The following OPCML variants were observed in gnomAD, a reference collection of about 807,000 sequenced individuals.
OPCML encodes opioid binding protein/cell adhesion molecule like, also known as opioid-binding protein/cell adhesion molecule.
OPCML carries 13 observed loss-of-function variants against 37.8 expected under a neutral mutation model. That is an observed-to-expected ratio of 0.34 (90% CI 0.22 to 0.55). OPCML has a LOEUF of 0.55. Among genes scored for constraint, OPCML ranks in the 20% least tolerant of loss-of-function variants. The probability of loss-of-function intolerance (pLI) is 0.91; values close to 1 mark genes in which losing one functional copy is unlikely to be tolerated. For synonymous variants in OPCML, 176 were observed against 168.8 expected (o/e 1.04, Z -0.33); for missense variants, 341 against 435.6 (o/e 0.78, Z 1.93).
intron 1 of OPCML, among the ~76,000 whole-genome samples, chr11:133,265,997 A>T (rs773536967): frequency 6.6e-6 from 1 of 152,176 alleles, no homozygotes; most frequent in Non-Finnish European, 1.5e-5. Context: ...GGAGAAGGGG[A>T]TGGAGAAATG....
intron 2 of OPCML, among the ~76,000 whole-genome samples, chr11:132,915,069 C>T (rs1944560196): frequency 6.6e-6 from 1 of 152,182 alleles, no homozygotes; most frequent in Admixed American, 6.5e-5. Context: ...TTTAAAATTA[C>T]ATTAACTCAA....
At chr11:133,120,834 C>T (rs554288644) in intron 1 of OPCML, among the ~76,000 whole-genome samples, 1 of 152,284 alleles carries the variant, frequency 6.6e-6, no homozygotes, top group Admixed American at 6.5e-5. Context: ...AGGACCAGAG[C>T]TTCCAATGGC....
chr11:133,265,677 C>T (rs999011612), intron 1 of OPCML, among the ~76,000 whole-genome samples: 2 of 152,284 alleles, frequency 1.3e-5, no homozygotes, highest in Middle Eastern at 3.4e-3. Context: ...CATCCCTCCT[C>T]CCGTCTGGGA....
At chr11:133,119,646 C>T (rs930112897) in intron 1 of OPCML, among the ~76,000 whole-genome samples, 1 of 152,156 alleles carries the variant, frequency 6.6e-6, no homozygotes, top group African/African-American at 2.4e-5. Flanking sequence ...TAAACAGAGT[C>T]TTGCGGGACA....
At chr11:133,444,149 C>T (rs374305311) in intron 1 of OPCML, among the ~76,000 whole-genome samples, 51 of 152,046 alleles carry the variant, frequency 3.4e-4, no homozygotes, top group African/African-American at 9.2e-4. Flanking sequence ...GAAGCAGCAG[C>T]GAGGAGTGGA....
chr11:133,255,224 C>A (rs1941272398), intron 1 of OPCML, among the ~76,000 whole-genome samples: 1 of 152,162 alleles, frequency 6.6e-6, no homozygotes, highest in Admixed American at 6.5e-5. Flanking sequence ...AAGTGTGAAG[C>A]ACGAAACTGG....
chr11:133,075,943 C>T (rs7941497), intron 1 of OPCML, among the ~76,000 whole-genome samples: 84,923 of 151,986 alleles, frequency 0.56, 25,075 homozygotes, highest in African/African-American at 0.74. Context: ...AAACCTAATA[C>T]CTGTTATTTG....
At chr11:133,062,945 T>C (rs4937746) in intron 1 of OPCML, among the ~76,000 whole-genome samples, 127,902 of 152,310 alleles carry the variant, frequency 0.84, 53,863 homozygotes, top group Middle Eastern at 0.93. Context: ...CTGAGGTACC[T>C]CTGCAAGACA....
chr11:132,943,074 G>A lies in OPCML; in HGVS notation c.62-64C>T. 6.2e-7 allele frequency: 1 copy of A among 1,614,144 alleles called. No individual in the cohort carries two copies. The highest frequency in any genetic ancestry group is 2.2e-5 in the East Asian group (1 of 44,854). ...ACGAGGCACTTCCAGGGCAGGAACA[G>A]GTACCCACAGACCCCCATTCTCGAC... On this transcript the variant is annotated intron_variant, in intron 1 of 7. Coordinates refer to ENST00000524381, the MANE Select transcript of OPCML (RefSeq NM_001012393.5). This position sits in a 1 kb window ranked among gnomAD's most constrained non-coding sequence, Gnocchi z 4.3.
At chr11:133,374,809 C>A (rs1324211323) in intron 1 of OPCML, among the ~76,000 whole-genome samples, 1 of 152,140 alleles carries the variant, frequency 6.6e-6, no homozygotes, top group Non-Finnish European at 1.5e-5. Flanking sequence ...TAGTATTTGG[C>A]CTCAGTTCCC....
At chr11:133,397,361 C>T (rs1009449325) in intron 1 of OPCML, among the ~76,000 whole-genome samples, 1 of 152,218 alleles carries the variant, frequency 6.6e-6, no homozygotes, top group African/African-American at 2.4e-5. Context: ...ATACTTCAAT[C>T]ATCCGAGAAG....
At chr11:132,485,709 TC>T (rs1375657929) in intron 4 of OPCML, among the ~76,000 whole-genome samples, 2 of 152,240 alleles carry the variant, frequency 1.3e-5, no homozygotes, top group African/African-American at 4.8e-5. Flanking sequence ...TTGAAGTTTA[TC>T]CATGTTGTAT....
chr11:132,725,974 T>G (rs981350241), intron 2 of OPCML, among the ~76,000 whole-genome samples: 4 of 152,146 alleles, frequency 2.6e-5, no homozygotes, highest in African/African-American at 9.7e-5. Context: ...AGCCTGGACT[T>G]TATTGTCCAT....
chr11:133,006,436 T>C (rs562826661), intron 1 of OPCML: 1 of 985,370 alleles, frequency 1.0e-6, no homozygotes, highest in South Asian at 4.7e-5. Flanking sequence ...CTGCAACAAC[T>C]GGAAGACCTT....
intron 1 of OPCML, among the ~76,000 whole-genome samples, chr11:133,512,418 G>C (rs1948180448): frequency 2.0e-5 from 3 of 152,226 alleles, no homozygotes; most frequent in Admixed American, 2.0e-4. Context: ...TACAGCCTCG[G>C]CACCATCCTC....
At chr11:132,751,107 G>C (rs1378054956) in intron 2 of OPCML, among the ~76,000 whole-genome samples, 2 of 152,164 alleles carry the variant, frequency 1.3e-5, no homozygotes, top group African/African-American at 4.8e-5. Context: ...AAGAACAAAA[G>C]CTGATCATGG....
chr11:133,415,394 A>G (rs905556024), intron 1 of OPCML, among the ~76,000 whole-genome samples: 2 of 151,488 alleles, frequency 1.3e-5, no homozygotes, highest in Non-Finnish European at 2.9e-5. Context: ...TGGGTGACAC[A>G]GTGAGACTTC....
At chr11:132,806,473 CA>C (rs1939017344) in intron 2 of OPCML, among the ~76,000 whole-genome samples, 1 of 151,806 alleles carries the variant, frequency 6.6e-6, no homozygotes, top group African/African-American at 2.4e-5. Flanking sequence ...TGATATCAAA[CA>C]AAGTAGAAAT....
At chr11:133,322,352 C>T (rs750571949) in intron 1 of OPCML, among the ~76,000 whole-genome samples, 5 of 152,250 alleles carry the variant, frequency 3.3e-5, no homozygotes, top group South Asian at 2.1e-4. Flanking sequence ...ATGCACATCC[C>T]GCACACAAAC....
Sources: gnomAD v4.1 joint callset for allele counts (sites outside exome capture counted in the v4.1 genomes callset) on GRCh38, gnomAD v4.1.1 for gene constraint, Gnocchi (gnomAD v3.1) non-coding constraint, MANE v1.5 for transcripts, NCBI Gene and HGNC (gene_info 2026-07-23, HGNC 2026-07-21) for gene names.